Variants in SECISBP2L observed in about 807,000 individuals in gnomAD.
SECISBP2L encodes SECIS binding protein 2 like.
A neutral mutation model predicts 114.7 loss-of-function variants in SECISBP2L; 43 were observed. That is an observed-to-expected ratio of 0.38 (90% confidence interval 0.29 to 0.48). The LOEUF (loss-of-function observed/expected upper bound fraction) is 0.48. Ranked by LOEUF, SECISBP2L falls within the 20% of genes least tolerant of loss-of-function variation. SECISBP2L has a pLI of 0.98. For synonymous variants in SECISBP2L, 451 were observed against 439.7 expected, an observed-to-expected ratio of 1.03 and a Z score of -0.32; for missense variants, 1,136 against 1,301.1, an observed-to-expected ratio of 0.87 and a Z score of 1.95.
At chr15:49,041,056 C>A (rs1239543113) in intron 1 of SECISBP2L, among the ~76,000 whole-genome samples, 2 of 151,980 alleles carry the variant, frequency 1.3e-5, no homozygotes, top group African/African-American at 4.8e-5. Context: ...CTACTTTTGC[C>A]AAGATCTATT....
At chr15:49,019,642 G>C (rs766175769) in intron 7 of SECISBP2L, 90 bp from the exon 8 acceptor site, 2 of 1,055,934 alleles carry the variant, frequency 1.9e-6, no homozygotes, top group African/African-American at 1.6e-5. Context: ...AAAAGTACAC[G>C]CAAGTGTACA....
At chr15:49,028,298 GAATA>G (rs1902798764) in intron 5 of SECISBP2L, 130 bp from the exon 6 acceptor site, 1 of 983,252 alleles carries the variant, frequency 1.0e-6, no homozygotes, top group Non-Finnish European at 1.5e-6. Context: ...CTTCATAAAT[GAATA>G]TTTTTATTAA....
chr15:49,038,301 C>T (rs1903053561), intron 1 of SECISBP2L, among the ~76,000 whole-genome samples: 1 of 151,940 alleles, frequency 6.6e-6, no homozygotes, highest in Non-Finnish European at 1.5e-5. Context: ...CACAGTTAAA[C>T]TGGGGAAAAT....
intron 4 of SECISBP2L, among the ~76,000 whole-genome samples, chr15:49,029,601 G>C (rs1211512977): frequency 6.6e-6 from 1 of 152,126 alleles, no homozygotes; most frequent in Admixed American, 6.6e-5. Flanking sequence ...AAGAACAATA[G>C]TACTGTTGAC....
Position 49,016,738 on chromosome 15 carries a change from T to C in SECISBP2L, c.1420-37A>G, listed in dbSNP as rs201379509. On this transcript the variant is annotated intron_variant, in intron 10 of 17. Coordinates refer to ENST00000559471, the MANE Select transcript of SECISBP2L (RefSeq NM_001193489.2). The stretch of plus-strand genomic sequence containing the variant: ...ATATAAAAAATTAATTTTTTTGTTA[T>C]AGTACGAAACTGTGGCATTTTAAGA... 35 of 1,515,114 alleles carry C rather than the reference T, an allele frequency of 2.3e-5. No homozygotes were observed. The East Asian group carries it at 3.8e-4, about 16-fold the overall frequency. The allele number at this position is 1,515,114 out of a possible 1,614,324, so 93.9% of individuals were successfully genotyped here.
intron 7 of SECISBP2L, among the ~76,000 whole-genome samples, chr15:49,023,096 G>A (rs1368056241): frequency 4.6e-5 from 7 of 151,300 alleles, no homozygotes; most frequent in African/African-American, 1.2e-4. Context: ...AAAATAAACT[G>A]TGCATGGCAA....
chr15:49,015,593 T>C (rs1902520584), intron 11 of SECISBP2L, among the ~76,000 whole-genome samples: 1 of 152,206 alleles, frequency 6.6e-6, no homozygotes, highest in Admixed American at 6.5e-5. Context: ...TCCTTTGTTC[T>C]ATTCCTCACC....
intron 11 of SECISBP2L, chr15:49,013,059 A>G (rs1050195870): frequency 2.6e-6 from 1 of 390,350 alleles, no homozygotes; most frequent in African/African-American, 2.1e-5. Flanking sequence ...AATTAGTTCT[A>G]CTCTCCTGTA....
chr15:49,027,995 T>C, intron 6 of SECISBP2L, 149 bp downstream of exon 6: 2 of 722,838 alleles, frequency 2.8e-6, no homozygotes, highest in Non-Finnish European at 4.7e-6. Context: ...CTCAAGCTGA[T>C]CAGCAAAACT....
intron 13 of SECISBP2L, among the ~76,000 whole-genome samples, chr15:49,010,631 C>T (rs1354145844): frequency 1.3e-5 from 2 of 152,088 alleles, no homozygotes; most frequent in East Asian, 3.9e-4. Context: ...CCACTTCAGT[C>T]CCCCAAGTAG....
chr15:49,040,296 T>C (rs1305434835), intron 1 of SECISBP2L, among the ~76,000 whole-genome samples: 1 of 152,134 alleles, frequency 6.6e-6, no homozygotes, highest in African/African-American at 2.4e-5. Context: ...AAATGATCCT[T>C]TGTTTTTAGC....
chr15:49,033,078 A>G lies in SECISBP2L; in HGVS notation c.551T>C (p.Ile184Thr), dbSNP rs1902930711. ...TTTCACCAGCGGCCTTTTGCTTTTT[A>G]TGTGCTGTTGTAAAAGCTGTTGCTG... ...VPKQQLLQQHIKSKRPLVKNV... is the reference protein window; with the variant it reads ...VPKQQLLQQHTKSKRPLVKNV... Residue 184 changes from isoleucine (I) to threonine (T), a missense_variant, in exon 4 of 18, where the codon ATA becomes ACA. Ile to Thr is a moderately conservative substitution (Grantham distance 89). Around this residue, in one of 2 missense-constraint regions of SECISBP2L, gnomAD observed 452 missense variants for 452.3 expected, o/e 1.00. Transcript: ENST00000559471. 4.3e-6 allele frequency: 7 copies of G among 1,613,858 alleles called. No homozygotes were observed. Among genetic ancestry groups the G allele is most frequent in the Non-Finnish European group, 5.9e-6 (7 of 1,179,982 alleles).
chr15:49,009,338 T>C lies in SECISBP2L; in HGVS notation c.1905A>G (p.Pro635=), dbSNP rs1277042386. 6.8e-6 allele frequency: 11 copies of C among 1,614,016 alleles called. No homozygotes were observed. The Admixed American group carries it at 1.8e-4, about 27-fold the overall frequency. ...LSMPSDTSLS[P]ASQNSPYCMT... is the part of the protein sequence containing the mutation. ...TACAGTATGGAGAGTTCTGACTTGC[T>C]GGAGAGAGTGAAGTATCACTGGGCA... The change falls in exon 14 of 18, where the codon CCA becomes CCG. Residue 635 remains proline, a synonymous_variant. Coordinates refer to ENST00000559471, the MANE Select transcript of SECISBP2L (RefSeq NM_001193489.2).
At chr15:49,037,346 T>G in intron 2 of SECISBP2L, 1 of 293,486 alleles carries the variant, frequency 3.4e-6, no homozygotes, top group Non-Finnish European at 6.3e-6. Flanking sequence ...CCCTTTGAGC[T>G]GACTTACTTC....
chr15:49,034,512 T>C (rs750906065), intron 3 of SECISBP2L, among the ~76,000 whole-genome samples: 12 of 152,002 alleles, frequency 7.9e-5, no homozygotes, highest in Non-Finnish European at 1.0e-4. Context: ...GAGACCCTTG[T>C]TCATATAAAA....
chr15:49,007,758 C>A (rs1902353831), intron 14 of SECISBP2L, among the ~76,000 whole-genome samples: 1 of 152,134 alleles, frequency 6.6e-6, no homozygotes, highest in Non-Finnish European at 1.5e-5. Flanking sequence ...ACAATTCCTC[C>A]TCTGGGCTTG....
At chr15:49,022,496 G>A (rs1217592957) in intron 7 of SECISBP2L, among the ~76,000 whole-genome samples, 1 of 151,950 alleles carries the variant, frequency 6.6e-6, no homozygotes, top group East Asian at 2.0e-4. Context: ...CTACTTGGGA[G>A]GAGGCTGAGG....
chr15:49,036,422 A>G (rs1903008414), intron 2 of SECISBP2L, among the ~76,000 whole-genome samples: 1 of 152,210 alleles, frequency 6.6e-6, no homozygotes, highest in South Asian at 2.1e-4. Context: ...AAATAGTAAA[A>G]TGTTCACGGC....
rs1165254312 is a variant in SECISBP2L, at chr15:48,988,787, T to G, written c.*3457A>C. ...AATCCCTTCATGTTATAACTCACAC[T>G]AATTTTGCTAGTTTTTTATTAGAGC... is the stretch of plus-strand genomic sequence containing the variant. On this transcript the variant is annotated 3_prime_UTR_variant, in exon 18 of 18. Coordinates refer to ENST00000559471, the MANE Select transcript of SECISBP2L (RefSeq NM_001193489.2). 4.3e-6 allele frequency: 1 copy of G among 232,832 alleles called. No homozygotes were observed. The highest frequency in any genetic ancestry group is 2.2e-5 in the African/African-American group (1 of 44,492). The allele number at this position is 232,832 out of a possible 1,614,324, so 14.4% of individuals were successfully genotyped here.
Sources: allele counts gnomAD v4.1 joint callset (sites outside exome capture counted in the v4.1 genomes callset), GRCh38; gene constraint gnomAD v4.1.1; regional missense constraint gnomAD v4.1.1; transcripts MANE v1.5; gene names NCBI Gene and HGNC (gene_info 2026-07-23, HGNC 2026-07-21).